The following RLF variants were observed in gnomAD, a reference collection of about 807,000 sequenced individuals.
The protein encoded by RLF is RLF zinc finger.
Under a neutral mutation model 162.9 loss-of-function variants are expected in RLF, and 7 were observed. That is an observed-to-expected ratio of 0.04 (90% CI 0.02 to 0.08). RLF has a LOEUF of 0.08. Ranked by LOEUF, RLF falls within the 10% of genes least tolerant of loss-of-function variation. The pLI is 1.00. For synonymous variants in RLF, 782 were observed against 791.5 expected, an observed-to-expected ratio of 0.99 and a Z score of 0.20; for missense variants, 1,664 against 2,244.7, an observed-to-expected ratio of 0.74 and a Z score of 5.23.
chr1:40,218,835 A>G lies in RLF; in HGVS notation c.811-3739A>G, dbSNP rs539443278. 3.9e-5 allele frequency among the ~76,000 whole-genome samples: 6 copies of G among 152,336 alleles called. No individual in the cohort carries two copies. The South Asian group carries it at 1.2e-3, about 32-fold the overall frequency. On this transcript the variant is annotated intron_variant, in intron 5 of 7. Transcript: ENST00000372771. ...CACTGAAGATACAGTGGTGAAAGAA[A>G]CAGACTTTTGCCCTCAGGGAACTTA...
At chr1:40,212,378 A>G (rs1557753010) in intron 5 of RLF, among the ~76,000 whole-genome samples, 1 of 152,174 alleles carries the variant, frequency 6.6e-6, no homozygotes, top group Non-Finnish European at 1.5e-5. Context: ...TTAGGTTGTG[A>G]TACTTTATTT....
At chr1:40,226,314 A>G (rs1419640919) in intron 6 of RLF, among the ~76,000 whole-genome samples, 1 of 152,190 alleles carries the variant, frequency 6.6e-6, no homozygotes, top group Non-Finnish European at 1.5e-5. Flanking sequence ...ATGCATTTGA[A>G]AAAGGTGACC....
intron 1 of RLF, among the ~76,000 whole-genome samples, chr1:40,175,784 C>CAAA (rs767336748): frequency 1.1e-5 from 1 of 91,818 alleles, no homozygotes; most frequent in Non-Finnish European, 2.2e-5. Flanking sequence ...GACTCCATCT[C>CAAA]AAAAAAAAAA....
rs1643280982 is a variant in RLF at position 40,240,640 on chromosome 1, G to T, written c.*193G>T. Reference sequence around the variant, plus strand: ...AGCTCTCCAGTTGGTTTAATGATTGGGTTTATTTTTGTTTGTTTGTTTATT... The same window carrying T: ...AGCTCTCCAGTTGGTTTAATGATTGTGTTTATTTTTGTTTGTTTGTTTATT... On this transcript the variant is annotated 3_prime_UTR_variant, in exon 8 of 8. Transcript: ENST00000372771. The T allele has an allele frequency of 3.8e-6, 2 of 528,854 alleles. No homozygotes were observed. The highest frequency in any genetic ancestry group is 6.7e-6 in the Non-Finnish European group (2 of 298,322). 32.8% of individuals were successfully genotyped at this position (528,854 alleles called of 1,614,324 possible). A position where few individuals can be genotyped will look rare whatever the true frequency, so the allele number is the denominator to read the frequency against.
In RLF at chr1:40,240,236, C is replaced by A; in HGVS notation, c.5534C>A (p.Pro1845His). ...CATGAGAACCTGACTGCAATCCCACCTTTAATAGTAGCTGAAACAACAACA... is the reference window on the plus strand; with the variant it reads ...CATGAGAACCTGACTGCAATCCCACATTTAATAGTAGCTGAAACAACAACA... The part of the protein sequence containing the change: ...TIHENLTAIP[P>H]LIVAETTTVP... Residue 1845 changes from proline to histidine, a missense_variant, in exon 8 of 8, where the codon CCT becomes CAT. By Grantham distance (77) the Pro-to-His change is moderately conservative. Around this residue, in one of 15 missense-constraint regions of RLF, gnomAD observed 327 missense variants for 342.7 expected, o/e 0.95. Transcript: ENST00000372771. 6.2e-7 allele frequency: 1 copy of A among 1,614,186 alleles called. No individual in the cohort carries two copies. The highest frequency in any genetic ancestry group is 8.5e-7 in the Non-Finnish European group (1 of 1,180,040).
At chr1:40,197,765 G>GT (rs1375744256) in intron 4 of RLF, among the ~76,000 whole-genome samples, 1 of 152,168 alleles carries the variant, frequency 6.6e-6, no homozygotes, top group African/African-American at 2.4e-5. Flanking sequence ...TAAGTGGTGG[G>GT]TAACATGTAG....
Position 40,222,804 on chromosome 1 carries a change from C to T in RLF, c.947+94C>T. On this transcript the variant is annotated intron_variant, in intron 6 of 7. Transcript: ENST00000372771. ...TGTTAATTTGTTTCTAATTTAAAAC[C>T]TAGCATGACCTGTGAATAGCTTCTT... The T allele has an allele frequency of 3.8e-6, 4 of 1,046,426 alleles. No homozygotes were observed. In the South Asian group the frequency reaches 6.1e-5, roughly 16 times the overall value. 64.8% of individuals were successfully genotyped at this position (1,046,426 alleles called of 1,614,324 possible).
chr1:40,201,248 C>T (rs1410021159), intron 4 of RLF, among the ~76,000 whole-genome samples: 1 of 151,802 alleles, frequency 6.6e-6, no homozygotes, highest in Admixed American at 6.6e-5. Context: ...CACCACTTGG[C>T]TTGACATGCA....
intron 3 of RLF, among the ~76,000 whole-genome samples, chr1:40,191,347 G>C (rs895133448): frequency 3.3e-5 from 5 of 152,116 alleles, no homozygotes; most frequent in African/African-American, 1.2e-4. Flanking sequence ...AGACCAGCTT[G>C]GCCAACATGC....
intron 1 of RLF, among the ~76,000 whole-genome samples, chr1:40,183,275 C>T (rs530153924): frequency 3.5e-4 from 54 of 152,256 alleles, no homozygotes; most frequent in African/African-American, 1.2e-3. Flanking sequence ...ATAAAAGTTT[C>T]TTGCTTTATG....
chr1:40,178,628 T>TG lies in RLF; in HGVS notation c.238-10427_238-10426insG, dbSNP rs1363888653. Among the ~76,000 whole-genome samples the TG allele has an allele frequency of 5.0e-3, 738 of 146,378 alleles. 12 individuals are homozygous for TG. The highest frequency in any genetic ancestry group is 0.018 in the African/African-American group (710 of 38,960). On this transcript the variant is annotated intron_variant, in intron 1 of 7. Transcript: ENST00000372771. Reference sequence around the variant, plus strand: ...CAAAGCTGTCTTTGGTGTTTTTTTTTTTTGTTTTTTTTTTTTTTTTGGAGA... The same window carrying TG: ...CAAAGCTGTCTTTGGTGTTTTTTTTTGTTTGTTTTTTTTTTTTTTTTGGAGA...
Position 40,188,564 on chromosome 1 carries a change from G to C in RLF, c.238-491G>C, listed in dbSNP as rs369669256. ...ATATCAATATAACATTAACCTTTTA[G>C]AAATTAGTTAGCATAAATTAACCCT... On this transcript the variant is annotated intron_variant, in intron 1 of 7. Coordinates refer to ENST00000372771, the MANE Select transcript of RLF (RefSeq NM_012421.4). 8.6e-5 allele frequency among the ~76,000 whole-genome samples: 13 copies of C among 150,870 alleles called. 1 individual carries two copies. Among genetic ancestry groups the C allele is most frequent in the East Asian group, 3.9e-4 (2 of 5,158 alleles).
chr1:40,185,468 GC>G (rs1642462004), intron 1 of RLF, among the ~76,000 whole-genome samples: 1 of 106,084 alleles, frequency 9.4e-6, no homozygotes, highest in Non-Finnish European at 1.8e-5. Flanking sequence ...AAGGATTACA[GC>G]CATCCTGTTA....
chr1:40,164,028 GAT>G (rs1642133379), intron 1 of RLF, among the ~76,000 whole-genome samples: 1 of 152,168 alleles, frequency 6.6e-6, no homozygotes, highest in Non-Finnish European at 1.5e-5. Flanking sequence ...AGAAGAATAA[GAT>G]ATATTCATTT....
chr1:40,185,267 A>C (rs946468241), intron 1 of RLF, among the ~76,000 whole-genome samples: 2 of 151,334 alleles, frequency 1.3e-5, no homozygotes, highest in South Asian at 2.1e-4. Context: ...AGTAGCTGGG[A>C]CTAGAGGCAT....
intron 5 of RLF, among the ~76,000 whole-genome samples, chr1:40,216,500 AAGAG>A (rs202041844): frequency 0.075 from 11,323 of 151,124 alleles, 567 homozygotes; most frequent in South Asian, 0.15. Context: ...AAAAAAAAAA[AAGAG>A]AGAGAGAAAG....
intron 1 of RLF, among the ~76,000 whole-genome samples, chr1:40,174,148 G>A (rs1482655339): frequency 2.0e-5 from 3 of 152,158 alleles, no homozygotes; most frequent in Non-Finnish European, 4.4e-5. Flanking sequence ...TGAGGCGGGT[G>A]GATCATGAGG....
rs77954194 is a variant in RLF at position 40,200,618 on chromosome 1, T to C, written c.608-1794T>C. ...GAAAATGTCTTCCATACTCATAGAA[T>C]ATTTCTGGAAGGATAAACAAGAAAT... On this transcript the variant is annotated intron_variant, in intron 4 of 7. Coordinates refer to ENST00000372771, the MANE Select transcript of RLF (RefSeq NM_012421.4). Among the ~76,000 whole-genome samples, 657 of 152,090 alleles carry C rather than the reference T, an allele frequency of 4.3e-3. 20 individuals carry two copies. In the East Asian group the frequency reaches 0.088, roughly 20 times the overall value.
chr1:40,204,383 T>A (rs1474462885), intron 5 of RLF, among the ~76,000 whole-genome samples: 1 of 151,828 alleles, frequency 6.6e-6, no homozygotes, highest in African/African-American at 2.4e-5. Context: ...CTTCACCTAC[T>A]CTATGTGTTT....
Sources: gnomAD v4.1 joint callset for allele counts (sites outside exome capture counted in the v4.1 genomes callset) on GRCh38, gnomAD v4.1.1 for gene constraint, gnomAD v4.1.1 regional missense constraint, MANE v1.5 for transcripts, NCBI Gene and HGNC (gene_info 2026-07-23, HGNC 2026-07-21) for gene names.